NXPE1: variants seen among roughly 807,000 people sequenced by gnomAD.
NXPE1 encodes the protein neurexophilin and PC-esterase domain family member 1.
NXPE1 carries 31 observed loss-of-function variants against 33.3 expected under a neutral mutation model. That is an observed-to-expected ratio of 0.93 (90% CI 0.70 to 1.26). NXPE1 has a LOEUF of 1.26. NXPE1 is among the 50% of genes most tolerant of loss of function. The pLI is 0.00. For missense variants in NXPE1, 661 were observed against 655.6 expected, an observed-to-expected ratio of 1.01 and a Z score of -0.09; for synonymous variants, 229 against 231.4, an observed-to-expected ratio of 0.99 and a Z score of 0.09.
chr11:114,551,023 A>G, intron 5 of NXPE1, 80 bp downstream of exon 5: 1 of 723,980 alleles, frequency 1.4e-6, no homozygotes, highest in Non-Finnish European at 2.4e-6. Context: ...GGCAGGACTA[A>G]TGGAGTGGGA....
intron 5 of NXPE1, among the ~76,000 whole-genome samples, chr11:114,541,751 T>C (rs189196960): frequency 1.4e-3 from 208 of 152,308 alleles, no homozygotes; most frequent in Admixed American, 3.6e-3. Flanking sequence ...GACCTGAGAT[T>C]AATAGAAGAA....
chr11:114,530,561 C>T (rs7941923), exon 6 of NXPE1: 249,802 of 1,613,932 alleles, frequency 0.15, 24,740 homozygotes, highest in African/African-American at 0.45. Flanking sequence ...AAGCACCTGC[C>T]GTCAGTGCTG....
At chr11:114,555,447 G>T (rs572606218) in intron 1 of NXPE1, among the ~76,000 whole-genome samples, 6 of 152,204 alleles carry the variant, frequency 3.9e-5, no homozygotes, top group Admixed American at 2.6e-4. Flanking sequence ...GGATGGTCTC[G>T]ATTTTCTGAC....
chr11:114,546,399 A>G (rs567741929), intron 5 of NXPE1, among the ~76,000 whole-genome samples: 2 of 152,168 alleles, frequency 1.3e-5, no homozygotes, highest in African/African-American at 4.8e-5. Context: ...ATTGAAATGG[A>G]TATTTTACAT....
chr11:114,532,145 G>A (rs1206572191), intron 5 of NXPE1, among the ~76,000 whole-genome samples: 1 of 152,102 alleles, frequency 6.6e-6, no homozygotes, highest in Admixed American at 6.6e-5. Context: ...CCCAGCATTG[G>A]GCAATAAAAC....
chr11:114,523,781 C>A (rs796923341), intron 7 of NXPE1, among the ~76,000 whole-genome samples: 25 of 152,280 alleles, frequency 1.6e-4, no homozygotes, highest in African/African-American at 5.8e-4. Context: ...TTTCTCCTGT[C>A]ATGTTTCCTT....
At chr11:114,536,236 A>T (rs1947816992) in intron 5 of NXPE1, among the ~76,000 whole-genome samples, 1 of 152,244 alleles carries the variant, frequency 6.6e-6, no homozygotes, top group African/African-American at 2.4e-5. Context: ...GAAACCAATG[A>T]GAACAAAGAC....
intron 6 of NXPE1, chr11:114,529,913 A>G (rs1947513536): frequency 4.7e-6 from 2 of 426,166 alleles, no homozygotes; most frequent in Non-Finnish European, 8.3e-6. Flanking sequence ...TCATACACTT[A>G]TCAAGGAATC....
chr11:114,539,113 A>G (rs1246015338), intron 5 of NXPE1, among the ~76,000 whole-genome samples: 2 of 152,232 alleles, frequency 1.3e-5, no homozygotes, highest in Non-Finnish European at 2.9e-5. Context: ...ATAAAAAATA[A>G]TGAGTTCCTG....
At chr11:114,521,943 A>G (rs904094902) in exon 9 of NXPE1, 2 of 1,523,768 alleles carry the variant, frequency 1.3e-6, no homozygotes, top group East Asian at 2.3e-5. Flanking sequence ...ATTGGTTCCT[A>G]GTGATTTTGT....
chr11:114,523,872 T>G (rs766278284), intron 7 of NXPE1, among the ~76,000 whole-genome samples: 12 of 152,262 alleles, frequency 7.9e-5, no homozygotes, highest in Non-Finnish European at 1.3e-4. Context: ...TCTATACTGA[T>G]ACTACGTTCT....
At chr11:114,536,895 C>G (rs1294963803) in intron 5 of NXPE1, among the ~76,000 whole-genome samples, 12 of 152,088 alleles carry the variant, frequency 7.9e-5, no homozygotes, top group Non-Finnish European at 1.2e-4. Context: ...CTATTCCAAT[C>G]AGTAGAAAAC....
chr11:114,527,946 A>G (rs1393973209), intron 6 of NXPE1, 45 bp from the exon 7 acceptor site: 7 of 1,438,224 alleles, frequency 4.9e-6, no homozygotes, highest in African/African-American at 2.8e-5. Context: ...CTCTCTGCCC[A>G]TGTAACACAG....
At chr11:114,536,788 T>C (rs1421469127) in intron 5 of NXPE1, among the ~76,000 whole-genome samples, 6 of 152,090 alleles carry the variant, frequency 3.9e-5, no homozygotes, top group Admixed American at 1.3e-4. Flanking sequence ...AGGCAATAAT[T>C]AATAGCTTAC....
chr11:114,530,878 C>T, exon 6 of NXPE1: 1 of 1,612,666 alleles, frequency 6.2e-7, no homozygotes, highest in Non-Finnish European at 8.5e-7. Flanking sequence ...CAGTAATGGA[C>T]AGAGATGGAT....
At chr11:114,520,707 C>A (rs1947193080), downstream of NXPE1, among the ~76,000 whole-genome samples, 1 of 152,150 alleles carries the variant, frequency 6.6e-6, no homozygotes, top group African/African-American at 2.4e-5. Flanking sequence ...GCTGTACCAA[C>A]TTACATTCCC....
At chr11:114,545,350 G>T (rs889748365) in intron 5 of NXPE1, among the ~76,000 whole-genome samples, 10 of 152,148 alleles carry the variant, frequency 6.6e-5, no homozygotes, top group Non-Finnish European at 1.2e-4. Context: ...TAAACAAATT[G>T]TAGTACATTG....
intron 1 of NXPE1, among the ~76,000 whole-genome samples, chr11:114,556,718 T>C (rs1948656558): frequency 6.6e-6 from 1 of 152,094 alleles, no homozygotes; most frequent in African/African-American, 2.4e-5. Context: ...CAGAGTTTAA[T>C]ACTGTTCTAT....
chr11:114,550,674 A>G (rs112261542), intron 5 of NXPE1, among the ~76,000 whole-genome samples: 2,057 of 152,298 alleles, frequency 0.014, 37 homozygotes, highest in African/African-American at 0.046. Context: ...AAAACTTTCT[A>G]ACTGTGACTT....
Sources: allele counts gnomAD v4.1 joint callset (sites outside exome capture counted in the v4.1 genomes callset), GRCh38; gene constraint gnomAD v4.1.1; transcripts MANE v1.5; gene names NCBI Gene and HGNC (gene_info 2026-07-23, HGNC 2026-07-21).